Variants in KANK1 observed in about 807,000 individuals in gnomAD.
KANK1 encodes the protein KN motif and ankyrin repeat domain-containing protein 1.
A neutral mutation model predicts 106.2 loss-of-function variants in KANK1; 109 were observed. That is an observed-to-expected ratio of 1.03 (90% CI 0.88 to 1.20). The LOEUF is 1.20. KANK1 is among the 50% of genes most tolerant of loss of function. The pLI is 0.00. For missense variants in KANK1, 2,399 were observed against 1,710.7 expected, an observed-to-expected ratio of 1.40 and a Z score of -7.10; for synonymous variants, 873 against 652.2, an observed-to-expected ratio of 1.34 and a Z score of -5.16.
intron 1 of KANK1, among the ~76,000 whole-genome samples, chr9:652,034 A>T (rs2361099): frequency 0.63 from 96,440 of 152,082 alleles, 33,240 homozygotes; most frequent in East Asian, 0.89. Flanking sequence ...AACATTTTGG[A>T]GAGAATATAA....
chr9:628,772 GA>G (rs1834967003), intron 1 of KANK1, among the ~76,000 whole-genome samples: 1 of 152,052 alleles, frequency 6.6e-6, no homozygotes, highest in Admixed American at 6.6e-5. Flanking sequence ...AGTGGTCCCT[GA>G]TACCTGTTCA....
intron 3 of KANK1, among the ~76,000 whole-genome samples, chr9:492,806 C>G (rs1443328125): frequency 6.6e-6 from 1 of 151,890 alleles, no homozygotes; most frequent in Non-Finnish European, 1.5e-5. Flanking sequence ...GGGTGGATCA[C>G]CTGAGGTCGG....
chr9:691,392 A>G (rs1418741182), intron 2 of KANK1, among the ~76,000 whole-genome samples: 7 of 150,064 alleles, frequency 4.7e-5, no homozygotes, highest in South Asian at 2.1e-4. Context: ...TTAAAATTGT[A>G]TGTGTGTGTG....
At chr9:523,812 C>A (rs1307322399) in intron 1 of KANK1, among the ~76,000 whole-genome samples, 1 of 117,420 alleles carries the variant, frequency 8.5e-6, no homozygotes, top group Non-Finnish European at 1.6e-5. Context: ...ATCCGCTTGG[C>A]CTCTTCTTTT....
chr9:642,262 G>A (rs1838640481), intron 1 of KANK1, among the ~76,000 whole-genome samples: 1 of 144,476 alleles, frequency 6.9e-6, no homozygotes, highest in Non-Finnish European at 1.5e-5. Context: ...AAATGAGTCT[G>A]CAGAAAACTG....
At chr9:675,863 C>T (rs1476441958) in intron 1 of KANK1, among the ~76,000 whole-genome samples, 1 of 152,174 alleles carries the variant, frequency 6.6e-6, no homozygotes, top group South Asian at 2.1e-4. Context: ...TGATGCTAAA[C>T]AAGAGGTGGA....
intron 1 of KANK1, among the ~76,000 whole-genome samples, chr9:600,143 A>C (rs1217023364): frequency 6.6e-6 from 1 of 151,800 alleles, no homozygotes; most frequent in African/African-American, 2.4e-5. Flanking sequence ...ACCAGTCTCT[A>C]AAACTCTTTT....
chr9:712,486 A>G lies in KANK1; in HGVS notation c.1720A>G (p.Arg574Gly). 1.2e-6 allele frequency: 2 copies of G among 1,614,044 alleles called. No homozygotes were observed. Among genetic ancestry groups the G allele is most frequent in the South Asian group, 2.2e-5 (2 of 91,072 alleles). The change falls in exon 3 of 12, where the codon AGG (arginine) becomes GGG (glycine). Residue 574 changes from arginine (R) to glycine (G), a missense_variant. By Grantham distance (125) the Arg-to-Gly change is moderately radical. Coordinates refer to ENST00000382297, the MANE Select transcript of KANK1 (RefSeq NM_015158.5). ...LPMNWWIVKE[R>G]VEMHDRCAGR... Reference sequence around the variant, plus strand: ...TATGAATTGGTGGATTGTTAAGGAGAGGGTGGAAATGCATGACCGATGTGC... The same window carrying G: ...TATGAATTGGTGGATTGTTAAGGAGGGGGTGGAAATGCATGACCGATGTGC...
chr9:471,978 C>G (rs973616862), intron 2 of KANK1, among the ~76,000 whole-genome samples: 1 of 152,128 alleles, frequency 6.6e-6, no homozygotes, highest in African/African-American at 2.4e-5. Flanking sequence ...TCCCCTGCCC[C>G]CAACCCCAAC....
intron 1 of KANK1, among the ~76,000 whole-genome samples, chr9:625,085 C>T (rs1269798390): frequency 6.6e-6 from 1 of 152,160 alleles, no homozygotes; most frequent in East Asian, 1.9e-4. Flanking sequence ...TAAGGGTGTA[C>T]AGCAGTTAGC....
At chr9:625,057 G>C (rs960199523) in intron 1 of KANK1, among the ~76,000 whole-genome samples, 4 of 152,216 alleles carry the variant, frequency 2.6e-5, no homozygotes, top group South Asian at 2.1e-4. Flanking sequence ...CGATGCCCTG[G>C]GGTCTGAAAG....
chr9:696,629 G>T (rs1821381214), intron 2 of KANK1, among the ~76,000 whole-genome samples: 1 of 152,048 alleles, frequency 6.6e-6, no homozygotes, highest in South Asian at 2.1e-4. Context: ...GGGGTGGGGA[G>T]GAACCTGGGA....
chr9:518,190 A>C (rs969296410), intron 1 of KANK1, among the ~76,000 whole-genome samples: 5 of 151,788 alleles, frequency 3.3e-5, no homozygotes. Context: ...TTTGTGAATC[A>C]TTTTCTTGGG....
intron 1 of KANK1, among the ~76,000 whole-genome samples, chr9:509,065 C>T (rs34489077): frequency 6.6e-6 from 1 of 152,110 alleles, no homozygotes; most frequent in Non-Finnish European, 1.5e-5. Flanking sequence ...AGCAGTAGAT[C>T]TGCAGAGTTT....
In KANK1 at chr9:589,032, C is replaced by G. The variant is rs1040254165; in HGVS notation, c.-84+84278C>G. Among the ~76,000 whole-genome samples, 4 of 152,342 alleles carry G rather than the reference C, an allele frequency of 2.6e-5. No homozygotes were observed. The East Asian group carries it at 7.7e-4, about 29-fold the overall frequency. ...CCTTGAAGCATTGTTAGTGTTAACACTGTGACCAACCTGAAGATCACAAAT... is the reference window on the plus strand; with the variant it reads ...CCTTGAAGCATTGTTAGTGTTAACAGTGTGACCAACCTGAAGATCACAAAT... On this transcript the variant is annotated intron_variant, in intron 1 of 11. Transcript: ENST00000382297.
rs755649471 is a variant in KANK1, at chr9:738,476, C to A, written c.3525C>A (p.Phe1175Leu). ...ATTACAGCGTGTCCCACTCCAACTT[C>A]GAGATTGTGAAGCTGCTGTTAGATG... is the stretch of plus-strand genomic sequence containing the variant. ...ALHYSVSHSN[F>L]EIVKLLLDAD... Residue 1175 changes from phenylalanine to leucine, a missense_variant, in exon 8 of 12, where the codon TTC becomes TTA. Physicochemically the swap from Phe to Leu is conservative, Grantham distance 22. Transcript: ENST00000382297. 3 of 1,614,026 alleles carry A rather than the reference C, an allele frequency of 1.9e-6. No homozygotes were observed. The Admixed American group carries it at 5.0e-5, about 27-fold the overall frequency.
intron 1 of KANK1, among the ~76,000 whole-genome samples, chr9:528,380 C>T (rs1404942932): frequency 2.0e-5 from 3 of 151,342 alleles, no homozygotes; most frequent in African/African-American, 7.3e-5. Context: ...TTTTTCTCTC[C>T]TATTTTCTAT....
At chr9:736,777 C>T (rs1191906480) in intron 7 of KANK1, among the ~76,000 whole-genome samples, 1 of 152,090 alleles carries the variant, frequency 6.6e-6, no homozygotes, top group Non-Finnish European at 1.5e-5. Flanking sequence ...ATGAAAATAC[C>T]TGGCTATACC....
intron 1 of KANK1, among the ~76,000 whole-genome samples, chr9:627,771 A>C (rs963017829): frequency 6.6e-6 from 1 of 152,120 alleles, no homozygotes; most frequent in Admixed American, 6.5e-5. Context: ...CCTGTCTTGG[A>C]TTGGTGGGTT....
Sources: allele counts gnomAD v4.1 joint callset (sites outside exome capture counted in the v4.1 genomes callset), GRCh38; gene constraint gnomAD v4.1.1; transcripts MANE v1.5; gene names NCBI Gene and HGNC (gene_info 2026-07-23, HGNC 2026-07-21).